The following SBNO2 variants were observed in gnomAD, a reference collection of about 807,000 sequenced individuals.
SBNO2 encodes strawberry notch homolog 2.
A neutral mutation model predicts 146.3 loss-of-function variants in SBNO2; 89 were observed. That is an observed-to-expected ratio of 0.61 (90% CI 0.51 to 0.73). SBNO2 has a LOEUF of 0.73. Among genes scored for constraint, SBNO2 ranks in the 30% least tolerant of loss-of-function variants. The pLI, the probability that SBNO2 is intolerant of heterozygous loss-of-function variation, is 0.00. For synonymous variants in SBNO2, 1,147 were observed against 892.6 expected (o/e 1.29, Z -5.08); for missense variants, 2,092 against 2,003.7 (o/e 1.04, Z -0.84).
At position 1,158,666 on chromosome 19, in the gene SBNO2, C is replaced by A. The variant is rs1412074215; in HGVS notation, c.-126-4264G>T. On this transcript the variant is annotated intron_variant, in intron 1 of 31. Coordinates refer to ENST00000361757, the MANE Select transcript of SBNO2 (RefSeq NM_014963.3). The surrounding 1 kb of genome is among the most constrained non-coding windows in gnomAD (Gnocchi z 9.9). ...AGCGGGCGCGACCGTGGTGATGGAG[C>A]CCGGCAGAGGCCACCGCACAGTCCC... Among the ~76,000 whole-genome samples the A allele has an allele frequency of 6.6e-6, 1 of 152,144 alleles. No homozygotes were observed. Among genetic ancestry groups the A allele is most frequent in the Non-Finnish European group, 1.5e-5 (1 of 68,000 alleles).
intron 1 of SBNO2, among the ~76,000 whole-genome samples, chr19:1,159,130 G>C (rs1044670671): frequency 6.7e-6 from 1 of 149,638 alleles, no homozygotes; most frequent in Non-Finnish European, 1.5e-5. Context: ...CTCCAGATGG[G>C]CTCAAGACAG....
chr19:1,161,974 C>T (rs1372227188), intron 1 of SBNO2, among the ~76,000 whole-genome samples: 1 of 142,402 alleles, frequency 7.0e-6, no homozygotes, highest in Admixed American at 7.2e-5. Context: ...CCCCAGCAGC[C>T]GGCCAGACAG....
intron 1 of SBNO2, 110 bp from the exon 2 acceptor site, chr19:1,154,512 G>A (rs899391912): frequency 2.7e-6 from 1 of 375,144 alleles, no homozygotes; most frequent in Non-Finnish European, 4.7e-6. Context: ...TGCAGCTCCT[G>A]CTACCTCCTG....
chr19:1,114,230 C>A lies in SBNO2; in HGVS notation c.2077+1G>T. The A allele has an allele frequency of 1.3e-6, 2 of 1,482,180 alleles. No individual in the cohort carries two copies. Among genetic ancestry groups the A allele is most frequent in the Non-Finnish European group, 1.8e-6 (2 of 1,107,472 alleles). The allele number at this position is 1,482,180 out of a possible 1,614,324, so 91.8% of individuals were successfully genotyped here. On this transcript the variant is annotated splice_donor_variant, in intron 18 of 31. Transcript: ENST00000361757. LOFTEE classifies it high-confidence loss of function. ...GCTGGCCAGCCTGGGCAAGCCCTCA[C>A]CCCGGTCGTCACTGGGGAGCCCGAC...
Position 1,108,861 on chromosome 19 carries a change from G to T in SBNO2, c.3534C>A (p.Ile1178=), listed in dbSNP as rs891745113. The part of the protein sequence containing the change: ...CGALLRVWGR[I]AAVMADVSSS... ...TGCTGACGTCGGCCATGACGGCGGC[G>T]ATGCGGCCCCACACGCGCAGCAGCG... is the stretch of plus-strand genomic sequence containing the variant. The change falls in exon 31 of 32, where the codon ATC becomes ATA. Residue 1178 remains isoleucine (I), a synonymous_variant. Coordinates refer to ENST00000361757, the MANE Select transcript of SBNO2 (RefSeq NM_014963.3). 3.1e-6 allele frequency: 5 copies of T among 1,595,548 alleles called. No individual in the cohort carries two copies. The African/African-American group carries it at 6.7e-5, about 21-fold the overall frequency.
Position 1,157,583 on chromosome 19 carries a change from G to A in SBNO2, c.-126-3181C>T, listed in dbSNP as rs542394272. On this transcript the variant is annotated intron_variant, in intron 1 of 31. Transcript: ENST00000361757. The surrounding 1 kb of genome is among the most constrained non-coding windows in gnomAD (Gnocchi z 6.8). ...GTGGTGTGGGGGTTGGGGGGGCGGG[G>A]GTCACACGGTTCCCACCTTGGGAGG... Among the ~76,000 whole-genome samples the A allele has an allele frequency of 1.3e-5, 2 of 151,172 alleles. No individual in the cohort carries two copies. The highest frequency in any genetic ancestry group is 4.2e-4 in the South Asian group (2 of 4,778).
Position 1,116,003 on chromosome 19 carries a change from A to AT in SBNO2, c.1885+17dup. The AT allele has an allele frequency of 1.5e-6, 2 of 1,338,964 alleles. No homozygotes were observed. Among genetic ancestry groups the AT allele is most frequent in the Admixed American group, 2.1e-5 (1 of 47,256 alleles). The allele number at this position is 1,338,964 out of a possible 1,614,324, so 82.9% of individuals were successfully genotyped here. ...CAGAGGGGCAGGGGTGGGTGGGGCC[A>AT]TGGGGGGCAGGGCTTACGTTTCCGC... is the stretch of plus-strand genomic sequence containing the variant. On this transcript the variant is annotated intron_variant, in intron 17 of 31. Transcript: ENST00000361757.
chr19:1,114,253 G>C lies in SBNO2; in HGVS notation c.2055C>G (p.Val685=), dbSNP rs867220286. ...CACCCCGGTCGTCACTGGGGAGCCC[G>C]ACTGCATCAACGATGACAACGTCGT... ...VDDDVVIVDA[V]GLPSDDRGPL... Residue 685 remains valine (V), a synonymous_variant, in exon 18 of 32, where the codon GTC becomes GTG. Coordinates refer to ENST00000361757, the MANE Select transcript of SBNO2 (RefSeq NM_014963.3). The C allele has an allele frequency of 4.6e-6, 7 of 1,533,474 alleles. No homozygotes were observed. The Admixed American group carries it at 1.2e-4, about 27-fold the overall frequency. The allele number at this position is 1,533,474 out of a possible 1,614,324, so 95.0% of individuals were successfully genotyped here.
At chr19:1,124,830 C>T (rs766300051) in intron 5 of SBNO2, among the ~76,000 whole-genome samples, 3 of 152,054 alleles carry the variant, frequency 2.0e-5, no homozygotes, top group Non-Finnish European at 2.9e-5. Flanking sequence ...AGTCTGTGGC[C>T]CACCCAGGGG....
rs1407922773 is a variant in SBNO2 at position 1,157,132 on chromosome 19, G to A, written c.-126-2730C>T. Among the ~76,000 whole-genome samples the A allele has an allele frequency of 6.6e-6, 1 of 151,268 alleles. No homozygotes were observed. Among genetic ancestry groups the A allele is most frequent in the African/African-American group, 2.4e-5 (1 of 41,052 alleles). On this transcript the variant is annotated intron_variant, in intron 1 of 31. Coordinates refer to ENST00000361757, the MANE Select transcript of SBNO2 (RefSeq NM_014963.3). This position sits in a 1 kb window ranked among gnomAD's most constrained non-coding sequence, Gnocchi z 6.8. The stretch of plus-strand genomic sequence containing the variant: ...GACTCGGTCCTGTCCGAGGGCCCAC[G>A]CCCCCAAGGGCTGGCTCCCACCCCA...
chr19:1,116,968 G>A, intron 15 of SBNO2, 42 bp from the exon 16 acceptor site: 1 of 1,513,480 alleles, frequency 6.6e-7, no homozygotes, highest in Non-Finnish European at 8.9e-7. Context: ...GCCCTGCTGT[G>A]GGGCCTCTGT....
In SBNO2 at chr19:1,117,423, T is replaced by G; in HGVS notation, c.1604A>C (p.Gln535Pro). 1 of 1,591,362 alleles carries G rather than the reference T, an allele frequency of 6.3e-7. No individual in the cohort carries two copies. The highest frequency in any genetic ancestry group is 1.1e-5 in the South Asian group (1 of 87,288). Reference protein sequence around the residue: ...GLESRKSLWGQFWSAHQRFFK... With the variant: ...GLESRKSLWGPFWSAHQRFFK... ...GAAGCGCTGGTGTGCCGACCAGAACTGGCCCCACAGGGACTTGCGCGACTC... is the reference window on the plus strand; with the variant it reads ...GAAGCGCTGGTGTGCCGACCAGAACGGGCCCCACAGGGACTTGCGCGACTC... The change falls in exon 15 of 32, where the codon CAG becomes CCG. Residue 535 changes from glutamine (Q) to proline (P), a missense_variant. Physicochemically the swap from Gln to Pro is moderately conservative, Grantham distance 76 (BLOSUM62 -1). Coordinates refer to ENST00000361757, the MANE Select transcript of SBNO2 (RefSeq NM_014963.3).
At position 1,147,341 on chromosome 19, in the gene SBNO2, T is replaced by C. The variant is rs775088733; in HGVS notation, c.247A>G (p.Ser83Gly). Residue 83 changes from serine (S) to glycine (G), a missense_variant, in exon 4 of 32, where the codon AGC (serine) becomes GGC (glycine). Transcript: ENST00000361757. ...TSYAPVATAS[S>G]LPPKTCDFAQ... is the part of the protein sequence containing the mutation. ...AAGTCGCAGGTCTTTGGTGGCAAGC[T>C]GGAGGCGGTGGCCACGGGGGCATAG... 6.5e-7 allele frequency: 1 copy of C among 1,543,834 alleles called. No homozygotes were observed. Among genetic ancestry groups the C allele is most frequent in the South Asian group, 1.2e-5 (1 of 84,372 alleles).
intron 1 of SBNO2, among the ~76,000 whole-genome samples, chr19:1,164,130 C>A (rs1267315567): frequency 1.3e-5 from 2 of 152,240 alleles, no homozygotes; most frequent in Non-Finnish European, 2.9e-5. Context: ...GGGGGCTTCA[C>A]ACTGCACCCC....
rs965547125 is a variant in SBNO2 at position 1,110,516 on chromosome 19, C to T, written c.3028+229G>A. On this transcript the variant is annotated intron_variant, in intron 26 of 31. Coordinates refer to ENST00000361757, the MANE Select transcript of SBNO2 (RefSeq NM_014963.3). The surrounding 1 kb of genome is among the most constrained non-coding windows in gnomAD (Gnocchi z 4.9). ...GCCCCTTGCCCACCTAGGCCCTCGC[C>T]GTGCTCACCCACAATGCACGGTGTT... is the stretch of plus-strand genomic sequence containing the variant. Among the ~76,000 whole-genome samples the T allele has an allele frequency of 1.3e-5, 2 of 151,422 alleles. No individual in the cohort carries two copies. The highest frequency in any genetic ancestry group is 2.4e-5 in the African/African-American group (1 of 41,160).
At chr19:1,125,824 T>C (rs1022485494) in intron 5 of SBNO2, among the ~76,000 whole-genome samples, 3 of 151,828 alleles carry the variant, frequency 2.0e-5, no homozygotes, top group African/African-American at 7.3e-5. Context: ...TAAAATCCTA[T>C]CTCTACAAAA....
rs1030994200 is a variant in SBNO2 at position 1,126,253 on chromosome 19, A to G, written c.441+1351T>C. The stretch of plus-strand genomic sequence containing the variant: ...TGGCACAGGAAGGTTAGAAACCTAT[A>G]CTCAGTTGCCCTCTCCTTTTTTTTT... On this transcript the variant is annotated intron_variant, in intron 5 of 31. Transcript: ENST00000361757. The surrounding 1 kb of genome is among the most constrained non-coding windows in gnomAD (Gnocchi z 4.4). Among the ~76,000 whole-genome samples, 5 of 151,898 alleles carry G rather than the reference A, an allele frequency of 3.3e-5. No homozygotes were observed. The highest frequency in any genetic ancestry group is 7.4e-5 in the Non-Finnish European group (5 of 67,984).
At position 1,112,273 on chromosome 19, in the gene SBNO2, G is replaced by C. The variant is rs572862692; in HGVS notation, c.2544C>G (p.Ser848=). 3.3e-5 allele frequency: 53 copies of C among 1,590,752 alleles called. No homozygotes were observed. The African/African-American group carries it at 5.9e-4, about 18-fold the overall frequency. The stretch of plus-strand genomic sequence containing the variant: ...AGATGAGGAAGACATACTCTGGCGC[G>C]GAGACCTGGTTGGACCGGTGGGTGC... ...FGRTHRSNQV[S]APEYVFLISE... is the part of the protein sequence containing the mutation. Residue 848 remains serine, a synonymous_variant, in exon 22 of 32, where the codon TCC becomes TCG. Coordinates refer to ENST00000361757, the MANE Select transcript of SBNO2 (RefSeq NM_014963.3). The surrounding 1 kb of genome is among the most constrained non-coding windows in gnomAD (Gnocchi z 5.9).
rs1192602866 is a variant in SBNO2 at position 1,140,282 on chromosome 19, A to G, written c.279+7027T>C. 2.0e-5 allele frequency among the ~76,000 whole-genome samples: 3 copies of G among 151,628 alleles called. No homozygotes were observed. Among genetic ancestry groups the G allele is most frequent in the Non-Finnish European group, 4.4e-5 (3 of 67,804 alleles). ...GCCACTGCACTCCAGCCTGGGCGACAGAGCGAGATTTCATCTCAAAAAAAA... is the reference window on the plus strand; with the variant it reads ...GCCACTGCACTCCAGCCTGGGCGACGGAGCGAGATTTCATCTCAAAAAAAA... On this transcript the variant is annotated intron_variant, in intron 4 of 31. Coordinates refer to ENST00000361757, the MANE Select transcript of SBNO2 (RefSeq NM_014963.3). This position sits in a 1 kb window ranked among gnomAD's most constrained non-coding sequence, Gnocchi z 4.4.
Sources: gnomAD v4.1 joint callset for allele counts (sites outside exome capture counted in the v4.1 genomes callset) on GRCh38, gnomAD v4.1.1 for gene constraint, Gnocchi (gnomAD v3.1) non-coding constraint, MANE v1.5 for transcripts, NCBI Gene and HGNC (gene_info 2026-07-23, HGNC 2026-07-21) for gene names.